Variants in ATP8A2 observed in about 807,000 individuals in gnomAD.
The protein encoded by ATP8A2 is ATPase phospholipid transporting 8A2, also known as phospholipid-transporting ATPase IB.
In ATP8A2, 100 loss-of-function variants were observed where a neutral mutation model predicts 165.6. The ratio of observed to expected loss-of-function variants is 0.60; its 90% CI spans 0.51 to 0.71. ATP8A2 has a LOEUF of 0.71. Among genes scored for constraint, ATP8A2 ranks in the 30% least tolerant of loss-of-function variants. The pLI is 0.00. For missense variants in ATP8A2, 1,227 were observed against 1,479.5 expected (o/e 0.83, Z 2.80); for synonymous variants, 543 against 548.8 (o/e 0.99, Z 0.15).
chr13:25,530,466 G>T (rs1021227099), intron 3 of ATP8A2, 96 bp from the exon 4 acceptor site: 2 of 726,008 alleles, frequency 2.8e-6, no homozygotes, highest in South Asian at 3.2e-5. Flanking sequence ...GAACAGAACT[G>T]CAAAAGTGTG....
intron 27 of ATP8A2, among the ~76,000 whole-genome samples, chr13:25,827,234 C>G (rs897361145): frequency 2.6e-5 from 4 of 152,266 alleles, no homozygotes; most frequent in African/African-American, 9.6e-5. Flanking sequence ...CTCAGACCCC[C>G]CCGAGTAGCT....
At chr13:25,789,764 T>C (rs2045120080) in intron 27 of ATP8A2, among the ~76,000 whole-genome samples, 1 of 152,126 alleles carries the variant, frequency 6.6e-6, no homozygotes. Flanking sequence ...TGAGCCCCAA[T>C]AGCCAAGGCA....
At chr13:25,952,460 A>G (rs1043450872) in intron 33 of ATP8A2, among the ~76,000 whole-genome samples, 5 of 151,540 alleles carry the variant, frequency 3.3e-5, no homozygotes, top group African/African-American at 1.2e-4. Context: ...AGCTCACTTC[A>G]ACCTTGAACT....
chr13:25,385,416 TACC>T (rs2033004616), intron 1 of ATP8A2, among the ~76,000 whole-genome samples: 1 of 152,216 alleles, frequency 6.6e-6, no homozygotes, highest in African/African-American at 2.4e-5. Flanking sequence ...TCAGTAGTAA[TACC>T]TCCTTCACTG....
intron 27 of ATP8A2, among the ~76,000 whole-genome samples, chr13:25,776,758 T>C (rs2044752109): frequency 6.6e-6 from 1 of 152,182 alleles, no homozygotes; most frequent in African/African-American, 2.4e-5. Context: ...GAATCTCTGT[T>C]TCTTCGTGCT....
chr13:25,909,117 A>G, intron 33 of ATP8A2, among the ~76,000 whole-genome samples: 1 of 152,164 alleles, frequency 6.6e-6, no homozygotes, highest in African/African-American at 2.4e-5. Flanking sequence ...TGGGGAGAGA[A>G]TGGTCAATGG....
In ATP8A2 at chr13:25,432,167, T is replaced by C. The variant is rs114904481; in HGVS notation, c.77-36810T>C. Among the ~76,000 whole-genome samples, 1,295 of 152,328 alleles carry C rather than the reference T, an allele frequency of 8.5e-3. 20 individuals are homozygous for C. The highest frequency in any genetic ancestry group is 0.029 in the African/African-American group (1,199 of 41,556). ...AATGACCATAATTGCTTTTTAATGTTTTCATTTTAAAGATCTGGGGCTTGA... is the reference window on the plus strand; with the variant it reads ...AATGACCATAATTGCTTTTTAATGTCTTCATTTTAAAGATCTGGGGCTTGA... On this transcript the variant is annotated intron_variant, in intron 1 of 36. Coordinates refer to ENST00000381655, the MANE Select transcript of ATP8A2 (RefSeq NM_016529.6).
chr13:25,817,049 CT>C (rs1951042365), intron 27 of ATP8A2, among the ~76,000 whole-genome samples: 1 of 152,146 alleles, frequency 6.6e-6, no homozygotes, highest in Admixed American at 6.6e-5. Context: ...AATAGACCCC[CT>C]GCCACTGTTC....
rs557462091 is a variant in ATP8A2, at chr13:25,386,656, G to A, written c.76+14368G>A. Among the ~76,000 whole-genome samples, 6 of 152,088 alleles carry A rather than the reference G, an allele frequency of 3.9e-5. No individual in the cohort carries two copies. In the East Asian group the frequency reaches 5.8e-4, roughly 15 times the overall value. Reference sequence around the variant, plus strand: ...AGAACACATCTTCTGGGGACCTCTTGTCAGTGGATCCTGTCAATACAGGAT... The same window carrying A: ...AGAACACATCTTCTGGGGACCTCTTATCAGTGGATCCTGTCAATACAGGAT... On this transcript the variant is annotated intron_variant, in intron 1 of 36. Coordinates refer to ENST00000381655, the MANE Select transcript of ATP8A2 (RefSeq NM_016529.6).
At chr13:25,392,391 G>A (rs2033280002) in intron 1 of ATP8A2, among the ~76,000 whole-genome samples, 1 of 152,100 alleles carries the variant, frequency 6.6e-6, no homozygotes, top group South Asian at 2.1e-4. Flanking sequence ...ATATTGTTTT[G>A]TAAAATGTTG....
intron 24 of ATP8A2, among the ~76,000 whole-genome samples, chr13:25,597,637 C>G (rs957378638): frequency 6.6e-6 from 1 of 152,130 alleles, no homozygotes; most frequent in Admixed American, 6.6e-5. Context: ...ACAGGTACTT[C>G]TCCAGTCAGG....
rs1456965944 is a variant in ATP8A2, at chr13:25,444,647, TG to T, written c.77-24329del. On this transcript the variant is annotated intron_variant, in intron 1 of 36. Coordinates refer to ENST00000381655, the MANE Select transcript of ATP8A2 (RefSeq NM_016529.6). ...ATATCAAGCATCTGTTTTTTTTTTT[TG>T]TTTTGTTTTGTTTTTGAGACAGAGT... Among the ~76,000 whole-genome samples the T allele has an allele frequency of 5.2e-4, 79 of 151,134 alleles. 1 individual carries two copies. The highest frequency in any genetic ancestry group is 1.9e-3 in the African/African-American group (78 of 40,664).
intron 20 of ATP8A2, 65 bp from the exon 21 acceptor site, chr13:25,578,750 C>A (rs1365114013): frequency 1.1e-6 from 1 of 918,034 alleles, no homozygotes; most frequent in Non-Finnish European, 1.8e-6. Context: ...CAAAGCCATG[C>A]TTAGTATGCT....
intron 28 of ATP8A2, among the ~76,000 whole-genome samples, chr13:25,829,703 T>TATATATATATAC (rs1951414177): frequency 9.5e-6 from 1 of 105,668 alleles, no homozygotes; most frequent in African/African-American, 3.9e-5. Flanking sequence ...TATATATATA[T>TATATATATATAC]ATATATATAT....
chr13:25,457,182 G>A (rs1175601029), intron 1 of ATP8A2, among the ~76,000 whole-genome samples: 1 of 152,114 alleles, frequency 6.6e-6, no homozygotes, highest in African/African-American at 2.4e-5. Flanking sequence ...TGCTACCACC[G>A]CTAAAGCCTG....
Position 25,399,397 on chromosome 13 carries a change from C to CTTTTTTTTT in ATP8A2, c.76+27120_76+27128dup, listed in dbSNP as rs71077467. On this transcript the variant is annotated intron_variant, in intron 1 of 36. Coordinates refer to ENST00000381655, the MANE Select transcript of ATP8A2 (RefSeq NM_016529.6). The stretch of plus-strand genomic sequence containing the variant: ...AGATCCTGATTTCTTAGTGGTTCTT[C>CTTTTTTTTT]TTTTTTTTTTTTTTTTTTTGAGACG... Among the ~76,000 whole-genome samples, 738 of 73,970 alleles carry CTTTTTTTTT rather than the reference C, an allele frequency of 1.0e-2. 37 individuals carry two copies. Among genetic ancestry groups the CTTTTTTTTT allele is most frequent in the Non-Finnish European group, 0.011 (438 of 40,812 alleles). 48.5% of individuals were successfully genotyped at this position (73,970 alleles called of 152,430 possible). A position where few individuals can be genotyped will look rare whatever the true frequency, so the allele number is the denominator to read the frequency against.
At chr13:25,704,501 T>G (rs540041625) in intron 25 of ATP8A2, among the ~76,000 whole-genome samples, 2 of 152,112 alleles carry the variant, frequency 1.3e-5, no homozygotes, top group Admixed American at 6.6e-5. Context: ...GCCTGGCTAA[T>G]TTTTAAAATT....
intron 2 of ATP8A2, among the ~76,000 whole-genome samples, chr13:25,504,481 C>T (rs189154673): frequency 0.056 from 8,056 of 143,030 alleles, 293 homozygotes; most frequent in South Asian, 0.13. Context: ...TGGCTCACGC[C>T]TGTAATCCCA....
At chr13:25,685,489 A>T (rs780677718) in intron 24 of ATP8A2, among the ~76,000 whole-genome samples, 1 of 152,164 alleles carries the variant, frequency 6.6e-6, no homozygotes, top group Non-Finnish European at 1.5e-5. Context: ...TCAGTAAAAG[A>T]TGTAGAAGAC....
Sources: gnomAD v4.1 joint callset for allele counts (sites outside exome capture counted in the v4.1 genomes callset) on GRCh38, gnomAD v4.1.1 for gene constraint, MANE v1.5 for transcripts, NCBI Gene and HGNC (gene_info 2026-07-23, HGNC 2026-07-21) for gene names.